SLC35D4: variants seen among roughly 807,000 people sequenced by gnomAD.
The protein encoded by SLC35D4 is UDP-N-acetylglucosamine transporter SLC35D4.
At chr18:23,364,387 C>T in the SLC35D4 span, among the ~76,000 whole-genome samples, 3 of 152,126 alleles carry the variant, frequency 2.0e-5, no homozygotes, top group African/African-American at 7.2e-5. Context: ...AGTTCCAATC[C>T]TTCTGAGTCT....
chr18:23,426,465 G>C, the SLC35D4 span, among the ~76,000 whole-genome samples: 1 of 152,162 alleles, frequency 6.6e-6, no homozygotes, highest in Non-Finnish European at 1.5e-5. Context: ...TACAAGGGAT[G>C]TGAAGGACCT....
At chr18:23,316,040 CT>C in the SLC35D4 span, among the ~76,000 whole-genome samples, 18 of 152,354 alleles carry the variant, frequency 1.2e-4, no homozygotes, top group African/African-American at 3.8e-4. Flanking sequence ...GGTTCCACCC[CT>C]GACCTACTAA....
At chr18:23,297,878 T>A in the SLC35D4 span, 1 of 1,086,702 alleles carries the variant, frequency 9.2e-7, no homozygotes. Flanking sequence ...ACTGCCCACC[T>A]GGCCTCACTG....
chr18:23,353,803 C>T, the SLC35D4 span, among the ~76,000 whole-genome samples: 1 of 152,162 alleles, frequency 6.6e-6, no homozygotes, highest in African/African-American at 2.4e-5. Flanking sequence ...GCTTACTGAC[C>T]CTCGTAACCT....
the SLC35D4 span, among the ~76,000 whole-genome samples, chr18:23,293,013 G>A: frequency 6.6e-6 from 1 of 152,186 alleles, no homozygotes; most frequent in African/African-American, 2.4e-5. Flanking sequence ...GCCGAGGTGG[G>A]CGGATCACTT....
the SLC35D4 span, among the ~76,000 whole-genome samples, chr18:23,394,461 G>A: frequency 1.3e-5 from 2 of 152,080 alleles, no homozygotes; most frequent in Non-Finnish European, 2.9e-5. Context: ...AGTGAATCCC[G>A]CAATTGAAGA....
At chr18:23,302,970 C>G in the SLC35D4 span, among the ~76,000 whole-genome samples, 3 of 152,256 alleles carry the variant, frequency 2.0e-5, no homozygotes, top group Non-Finnish European at 4.4e-5. Flanking sequence ...TAACTTAAAA[C>G]TTGAAAAGCA....
At chr18:23,279,318 T>G in the SLC35D4 span, among the ~76,000 whole-genome samples, 1 of 152,198 alleles carries the variant, frequency 6.6e-6, no homozygotes. Flanking sequence ...CAACTTCTGC[T>G]TATATCTCAT....
At chr18:23,322,848 C>G in the SLC35D4 span, among the ~76,000 whole-genome samples, 1 of 152,214 alleles carries the variant, frequency 6.6e-6, no homozygotes, top group African/African-American at 2.4e-5. Flanking sequence ...AATTTTCCTT[C>G]AAACTCAAAT....
At chr18:23,321,524 C>T in the SLC35D4 span, among the ~76,000 whole-genome samples, 16 of 152,002 alleles carry the variant, frequency 1.1e-4, no homozygotes, top group Admixed American at 3.3e-4. Context: ...TGTGCAATCA[C>T]GGCTCACTGC....
chr18:23,323,039 G>A, the SLC35D4 span, among the ~76,000 whole-genome samples: 2 of 152,218 alleles, frequency 1.3e-5, no homozygotes, highest in South Asian at 4.1e-4. Flanking sequence ...AGTCTCCCAA[G>A]TTAAGCAGAA....
chr18:23,381,680 A>G, the SLC35D4 span, among the ~76,000 whole-genome samples: 1 of 152,214 alleles, frequency 6.6e-6, no homozygotes, highest in Non-Finnish European at 1.5e-5. Flanking sequence ...TCGAAGATGC[A>G]AACACTTATG....
At chr18:23,408,570 T>C in the SLC35D4 span, among the ~76,000 whole-genome samples, 1 of 152,206 alleles carries the variant, frequency 6.6e-6, no homozygotes, top group Non-Finnish European at 1.5e-5. Context: ...TACTCGGTTT[T>C]CAAGAGCAGG....
chr18:23,353,584 C>T, the SLC35D4 span, among the ~76,000 whole-genome samples: 13 of 152,194 alleles, frequency 8.5e-5, no homozygotes, highest in Non-Finnish European at 1.5e-4. Flanking sequence ...GGACTAAAGA[C>T]AGGCATTAGG....
chr18:23,419,093 T>G, the SLC35D4 span, among the ~76,000 whole-genome samples: 1 of 152,144 alleles, frequency 6.6e-6, no homozygotes, highest in Non-Finnish European at 1.5e-5. Flanking sequence ...GTGAATGACT[T>G]AGCCTGCTCA....
At chr18:23,372,449 G>T in the SLC35D4 span, among the ~76,000 whole-genome samples, 1 of 152,232 alleles carries the variant, frequency 6.6e-6, no homozygotes, top group Admixed American at 6.5e-5. Flanking sequence ...CCTGTAAGGA[G>T]AGTCTGGCTC....
the SLC35D4 span, among the ~76,000 whole-genome samples, chr18:23,242,804 T>C: frequency 7.9e-3 from 1,209 of 152,282 alleles, 18 homozygotes; most frequent in African/African-American, 0.028. Flanking sequence ...TTACCGAATA[T>C]TAAAATCTAA....
At chr18:23,364,551 G>A in the SLC35D4 span, among the ~76,000 whole-genome samples, 1 of 152,104 alleles carries the variant, frequency 6.6e-6, no homozygotes, top group Non-Finnish European at 1.5e-5. Flanking sequence ...GGGTCTTGTG[G>A]GCAATTCCTT....
At chr18:23,353,835 C>T in the SLC35D4 span, among the ~76,000 whole-genome samples, 22 of 152,320 alleles carry the variant, frequency 1.4e-4, no homozygotes, top group South Asian at 6.2e-4. Flanking sequence ...CCCTTCCCAC[C>T]TTTTTGTCTC....
Sources: gnomAD v4.1 joint callset for allele counts (sites outside exome capture counted in the v4.1 genomes callset) on GRCh38, gnomAD v4.1.1 for gene constraint, MANE v1.5 for transcripts, NCBI Gene and HGNC (gene_info 2026-07-23, HGNC 2026-07-21) for gene names.